The following ABCG2 variants were observed in gnomAD, a reference collection of about 807,000 sequenced individuals.
ABCG2 encodes broad substrate specificity ATP-binding cassette transporter ABCG2.
In ABCG2, 80 loss-of-function variants were observed where a neutral mutation model predicts 73.5. The observed-to-expected ratio is 1.09, with a 90% CI of 0.91 to 1.31. ABCG2 has a LOEUF of 1.31. ABCG2 is among the 50% of genes most tolerant of loss of function. The pLI, the probability that ABCG2 is intolerant of heterozygous loss-of-function variation, is 0.00. For synonymous variants in ABCG2, 269 were observed against 282.4 expected (o/e 0.95, Z 0.48); for missense variants, 796 against 786.2 (o/e 1.01, Z -0.15).
intron 14 of ABCG2, among the ~76,000 whole-genome samples, chr4:88,094,955 T>C (rs1030111911): frequency 6.6e-6 from 1 of 152,166 alleles, no homozygotes; most frequent in African/African-American, 2.4e-5. Flanking sequence ...TGTAACTCCA[T>C]AAACATTCTA....
chr4:88,171,281 A>C (rs1727746646), intron 1 of ABCG2, among the ~76,000 whole-genome samples: 1 of 151,454 alleles, frequency 6.6e-6, no homozygotes, highest in Non-Finnish European at 1.5e-5. Context: ...AGTTAAAAAA[A>C]AAAAAAAAAG....
chr4:88,098,284 C>T lies in ABCG2; in HGVS notation c.1493-677G>A, dbSNP rs779475245. On this transcript the variant is annotated intron_variant, in intron 12 of 15. Transcript: ENST00000237612. ...GTCAAATGGAAGGTTTAAACTCAATCGGTAGTTCTTATCTTGTAGTGTCAA... is the reference window on the plus strand; with the variant it reads ...GTCAAATGGAAGGTTTAAACTCAATTGGTAGTTCTTATCTTGTAGTGTCAA... 1.1e-4 allele frequency among the ~76,000 whole-genome samples: 17 copies of T among 152,162 alleles called. No individual in the cohort carries two copies. The South Asian group carries it at 1.2e-3, about 11-fold the overall frequency.
intron 1 of ABCG2, among the ~76,000 whole-genome samples, chr4:88,172,631 T>C (rs897585033): frequency 6.6e-6 from 1 of 151,858 alleles, no homozygotes; most frequent in African/African-American, 2.4e-5. Context: ...AAATAAAGTA[T>C]AGACTTGTGG....
At chr4:88,146,591 A>G (rs980379254) in intron 1 of ABCG2, among the ~76,000 whole-genome samples, 15 of 151,954 alleles carry the variant, frequency 9.9e-5, no homozygotes, top group South Asian at 2.1e-4. Context: ...ATGGGGTTTC[A>G]CCATGTTGGC....
intron 1 of ABCG2, among the ~76,000 whole-genome samples, chr4:88,205,502 T>G (rs988915034): frequency 6.6e-6 from 1 of 152,196 alleles, no homozygotes; most frequent in Non-Finnish European, 1.5e-5. Context: ...GACCCATAGA[T>G]GTACACTTTA....
chr4:88,109,219 C>T (rs754988897), intron 9 of ABCG2, among the ~76,000 whole-genome samples: 5 of 151,904 alleles, frequency 3.3e-5, no homozygotes, highest in Admixed American at 6.6e-5. Flanking sequence ...AGGCTGGTCT[C>T]GAACTCCTGA....
chr4:88,134,221 A>G (rs1273412390), intron 2 of ABCG2, among the ~76,000 whole-genome samples: 1 of 152,210 alleles, frequency 6.6e-6, no homozygotes, highest in East Asian at 1.9e-4. Context: ...GATCCTATAC[A>G]ATTATGAGTG....
intron 5 of ABCG2, among the ~76,000 whole-genome samples, chr4:88,124,662 C>T (rs542195504): frequency 1.2e-3 from 178 of 152,262 alleles, no homozygotes; most frequent in Non-Finnish European, 2.2e-3. Flanking sequence ...ACTCATAAAG[C>T]AAGTCCTTAG....
chr4:88,113,058 C>A (rs1295821275), intron 9 of ABCG2, among the ~76,000 whole-genome samples: 3 of 152,172 alleles, frequency 2.0e-5, no homozygotes, highest in Non-Finnish European at 4.4e-5. Flanking sequence ...CTGCAGTGAG[C>A]TGAGTTCATG....
intron 7 of ABCG2, among the ~76,000 whole-genome samples, chr4:88,116,902 T>C (rs1723613355): frequency 6.6e-6 from 1 of 152,126 alleles, no homozygotes; most frequent in Admixed American, 6.6e-5. Context: ...ACATTTCAAT[T>C]TGAAATAAAA....
chr4:88,137,095 G>GGAGA (rs1725311734), intron 2 of ABCG2, among the ~76,000 whole-genome samples: 1 of 149,578 alleles, frequency 6.7e-6, no homozygotes, highest in Non-Finnish European at 1.5e-5. Context: ...AATGAGAGAC[G>GGAGA]GAGAGAGGGA....
chr4:88,222,575 C>G (rs1730051296), intron 1 of ABCG2, among the ~76,000 whole-genome samples: 1 of 152,256 alleles, frequency 6.6e-6, no homozygotes, highest in Non-Finnish European at 1.5e-5. Context: ...GGCTCCCCCA[C>G]CCATGTGGAA....
chr4:88,134,136 T>G (rs1322836138), intron 2 of ABCG2, among the ~76,000 whole-genome samples: 1 of 152,152 alleles, frequency 6.6e-6, no homozygotes, highest in Non-Finnish European at 1.5e-5. Context: ...GAAAGTAATA[T>G]CTATTCCAAA....
intron 8 of ABCG2, among the ~76,000 whole-genome samples, chr4:88,113,780 G>A (rs952164272): frequency 4.0e-5 from 6 of 151,406 alleles, no homozygotes; most frequent in East Asian, 2.0e-4. Flanking sequence ...GACCAACATG[G>A]TGAAACCCTG....
chr4:88,132,720 G>T, intron 2 of ABCG2, 85 bp from the exon 3 acceptor site: 1 of 1,398,624 alleles, frequency 7.1e-7, no homozygotes, highest in Non-Finnish European at 1.0e-6. Flanking sequence ...TATACTCAAT[G>T]AAGGTTGATG....
intron 1 of ABCG2, among the ~76,000 whole-genome samples, chr4:88,142,620 C>A (rs1444798592): frequency 6.6e-6 from 1 of 152,124 alleles, no homozygotes; most frequent in Non-Finnish European, 1.5e-5. Context: ...TTGAGTTCTG[C>A]ATCTGAAGAT....
intron 1 of ABCG2, among the ~76,000 whole-genome samples, chr4:88,150,409 G>C (rs1578232513): frequency 6.6e-6 from 1 of 152,290 alleles, no homozygotes; most frequent in South Asian, 2.1e-4. Flanking sequence ...CAGCAAAGAG[G>C]CCAGTGAGGC....
chr4:88,219,967 A>G (rs1024751522), intron 1 of ABCG2, among the ~76,000 whole-genome samples: 9 of 151,982 alleles, frequency 5.9e-5, no homozygotes, highest in East Asian at 1.9e-4. Flanking sequence ...TCATCTTCCA[A>G]ACTGAAACTT....
rs61485563 is a variant in ABCG2 at position 88,229,978 on chromosome 4, CATT to C, written c.-20+1013_-20+1015del. 4.3e-3 allele frequency among the ~76,000 whole-genome samples: 622 copies of C among 143,546 alleles called. 4 individuals carry two copies. The highest frequency in any genetic ancestry group is 0.014 in the African/African-American group (543 of 39,076). The allele number at this position is 143,546 out of a possible 152,430, so 94.2% of individuals were successfully genotyped here. ...GAAATCAGCTATTTTTTCTGGCATG[CATT>C]ATTATTATTATTATTATTATTATTA... On this transcript the variant is annotated intron_variant, in intron 1 of 15. Coordinates refer to the ABCG2 transcript ENST00000515655.
Sources: gnomAD v4.1 joint callset for allele counts (sites outside exome capture counted in the v4.1 genomes callset) on GRCh38, gnomAD v4.1.1 for gene constraint, MANE v1.5 for transcripts, NCBI Gene and HGNC (gene_info 2026-07-23, HGNC 2026-07-21) for gene names.